TGFA: variants seen among roughly 807,000 people sequenced by gnomAD.
TGFA encodes the protein protransforming growth factor alpha.
Under a neutral mutation model 21.7 loss-of-function variants are expected in TGFA, and 12 were observed. The ratio of observed to expected loss-of-function variants is 0.55; its 90% CI spans 0.35 to 0.90. TGFA has a LOEUF of 0.90. Ranked by LOEUF, TGFA falls within the 40% of genes least tolerant of loss-of-function variation. TGFA has a pLI of 0.01. For synonymous variants in TGFA, 79 were observed against 88.1 expected, an observed-to-expected ratio of 0.90 and a Z score of 0.58; for missense variants, 178 against 210.8, an observed-to-expected ratio of 0.84 and a Z score of 0.96.
At chr2:70,476,906 T>G (rs1670950559) in intron 2 of TGFA, among the ~76,000 whole-genome samples, 1 of 152,232 alleles carries the variant, frequency 6.6e-6, no homozygotes, top group African/African-American at 2.4e-5. Context: ...TGCTTGTCCT[T>G]AGATAAAAGC....
intron 3 of TGFA, among the ~76,000 whole-genome samples, chr2:70,465,067 G>C (rs976975725): frequency 3.3e-5 from 5 of 152,234 alleles, no homozygotes; most frequent in Admixed American, 2.6e-4. Context: ...CCCCCAAGGA[G>C]GATGATGCTC....
chr2:70,521,645 C>T (rs868932770), intron 1 of TGFA, among the ~76,000 whole-genome samples: 207 of 63,120 alleles, frequency 3.3e-3, no homozygotes, highest in African/African-American at 0.014. Context: ...TTTTGAGTCT[C>T]GCTCTGTCTC....
intron 1 of TGFA, among the ~76,000 whole-genome samples, chr2:70,534,470 G>A (rs1553504126): frequency 6.6e-6 from 1 of 152,152 alleles, no homozygotes; most frequent in Admixed American, 6.5e-5. Context: ...TGACTTCCAG[G>A]CGTGTCACTC....
At position 70,466,078 on chromosome 2, in the gene TGFA, G is replaced by T. The variant is rs11466241; in HGVS notation, c.95-342C>A. On this transcript the variant is annotated intron_variant, in intron 2 of 5. Coordinates refer to ENST00000295400, the MANE Select transcript of TGFA (RefSeq NM_003236.4). ...GACAGTGATTTTTTTTTAGATAGCT[G>T]TCATAAGAATCTGTTTTGAAAGCAA... Among the ~76,000 whole-genome samples, 692 of 152,278 alleles carry T rather than the reference G, an allele frequency of 4.5e-3. 10 individuals carry two copies. The highest frequency in any genetic ancestry group is 0.016 in the African/African-American group (681 of 41,560).
intron 5 of TGFA, among the ~76,000 whole-genome samples, 174 bp from the exon 6 acceptor site, chr2:70,451,040 C>T (rs3732250): frequency 0.059 from 8,968 of 152,048 alleles, 331 homozygotes; most frequent in South Asian, 0.12. Context: ...CAACCTCTGA[C>T]CTAGTACTTT....
intron 1 of TGFA, among the ~76,000 whole-genome samples, chr2:70,515,759 C>A (rs1010685067): frequency 2.6e-5 from 4 of 152,080 alleles, no homozygotes; most frequent in Admixed American, 6.6e-5. Context: ...CCAGGCCCTG[C>A]CAGGGATAGA....
At chr2:70,552,461 T>C (rs935919620) in intron 1 of TGFA, among the ~76,000 whole-genome samples, 3 of 152,228 alleles carry the variant, frequency 2.0e-5, no homozygotes, top group Admixed American at 6.5e-5. Context: ...CAACAGTCAA[T>C]ACATGCACAC....
intron 1 of TGFA, among the ~76,000 whole-genome samples, chr2:70,543,068 A>G (rs1271707731): frequency 6.6e-6 from 1 of 152,036 alleles, no homozygotes; most frequent in Non-Finnish European, 1.5e-5. Flanking sequence ...GCGCCATTGC[A>G]CTCCAGCCTG....
Position 70,514,422 on chromosome 2 carries a change from G to A in TGFA, c.94+437C>T, listed in dbSNP as rs536402166. Among the ~76,000 whole-genome samples, 106 of 134,500 alleles carry A rather than the reference G, an allele frequency of 7.9e-4. No individual in the cohort carries two copies. The East Asian group carries it at 0.017, about 22-fold the overall frequency. The allele number at this position is 134,500 out of a possible 152,430, so 88.2% of individuals were successfully genotyped here. A position where few individuals can be genotyped will look rare whatever the true frequency, so the allele number is the denominator to read the frequency against. On this transcript the variant is annotated intron_variant, in intron 2 of 5. Coordinates refer to ENST00000295400, the MANE Select transcript of TGFA (RefSeq NM_003236.4). ...TAAAATAATAATAAAAAAAAATACCGATTTTTTTTTTTTTTTTACTATAAG... is the reference window on the plus strand; with the variant it reads ...TAAAATAATAATAAAAAAAAATACCAATTTTTTTTTTTTTTTTACTATAAG...
At chr2:70,462,850 G>A (rs1263127369) in intron 3 of TGFA, among the ~76,000 whole-genome samples, 2 of 152,126 alleles carry the variant, frequency 1.3e-5, no homozygotes, top group African/African-American at 2.4e-5. Flanking sequence ...TTCCAAATGC[G>A]AGTGTGTCTC....
At position 70,453,100 on chromosome 2, in the gene TGFA, GTCTCTTCCTTTTCTCC is replaced by G. The variant is rs1204971980; in HGVS notation, c.475+102_475+117del. 7.7e-6 allele frequency: 7 copies of G among 913,806 alleles called. No individual in the cohort carries two copies. The African/African-American group carries it at 9.9e-5, about 13-fold the overall frequency. 56.6% of individuals were successfully genotyped at this position (913,806 alleles called of 1,614,324 possible). A position where few individuals can be genotyped will look rare whatever the true frequency, so the allele number is the denominator to read the frequency against. ...AAACCTGACTTGGTAGAATGAAACA[GTCTCTTCCTTTTCTCC>G]TCTCTTCCTGCTTCATACTCCAGGA... is the stretch of plus-strand genomic sequence containing the variant. On this transcript the variant is annotated intron_variant, in intron 5 of 5. Transcript: ENST00000295400.
chr2:70,523,436 A>G (rs1553502580), intron 1 of TGFA, among the ~76,000 whole-genome samples: 1 of 152,172 alleles, frequency 6.6e-6, no homozygotes, highest in East Asian at 1.9e-4. Context: ...TGTATCTCTG[A>G]TGCTCCCTAT....
In TGFA at chr2:70,538,324, G is replaced by T. The variant is rs545362858; in HGVS notation, c.40+15404C>A. Among the ~76,000 whole-genome samples the T allele has an allele frequency of 3.3e-5, 5 of 152,288 alleles. No homozygotes were observed. The South Asian group carries it at 1.0e-3, about 32-fold the overall frequency. On this transcript the variant is annotated intron_variant, in intron 1 of 5. Transcript: ENST00000295400. The stretch of plus-strand genomic sequence containing the variant: ...CTATGCGGCCCATGCTCATTAAAGA[G>T]CAATTTCAAATTTCAAGTCTTAAGA...
intron 2 of TGFA, among the ~76,000 whole-genome samples, chr2:70,510,876 C>T (rs919550618): frequency 2.0e-5 from 3 of 152,138 alleles, no homozygotes; most frequent in Admixed American, 6.5e-5. Flanking sequence ...CGTGGTGACT[C>T]ATGCTTGTAA....
chr2:70,470,135 G>C (rs922710199), intron 2 of TGFA, among the ~76,000 whole-genome samples: 3 of 151,958 alleles, frequency 2.0e-5, no homozygotes, highest in African/African-American at 7.3e-5. Context: ...GAGAGACGGG[G>C]TGGGGTTATG....
Position 70,512,170 on chromosome 2 carries a change from G to A in TGFA, c.94+2689C>T, listed in dbSNP as rs114221620. Among the ~76,000 whole-genome samples, 1,458 of 152,268 alleles carry A rather than the reference G, an allele frequency of 9.6e-3. 26 individuals are homozygous for A. The highest frequency in any genetic ancestry group is 0.033 in the African/African-American group (1,362 of 41,526). On this transcript the variant is annotated intron_variant, in intron 2 of 5. Transcript: ENST00000295400. ...GCCTTTGGAGGTGTGACTATAACACGGTCATCACCACTTGGACTTTTCTCC... is the reference window on the plus strand; with the variant it reads ...GCCTTTGGAGGTGTGACTATAACACAGTCATCACCACTTGGACTTTTCTCC...
At position 70,533,293 on chromosome 2, in the gene TGFA, T is replaced by C. The variant is rs570255318; in HGVS notation, c.41-18381A>G. Among the ~76,000 whole-genome samples, 13 of 152,292 alleles carry C rather than the reference T, an allele frequency of 8.5e-5. No individual in the cohort carries two copies. The South Asian group carries it at 2.7e-3, about 32-fold the overall frequency. Reference sequence around the variant, plus strand: ...AGAAATTTCGACCCAAAGGGACTGCTCTGTTATAAAATGTTAAACCTTTTC... The same window carrying C: ...AGAAATTTCGACCCAAAGGGACTGCCCTGTTATAAAATGTTAAACCTTTTC... On this transcript the variant is annotated intron_variant, in intron 1 of 5. Coordinates refer to ENST00000295400, the MANE Select transcript of TGFA (RefSeq NM_003236.4).
chr2:70,521,613 G>GTGTT (rs532266930), intron 1 of TGFA, among the ~76,000 whole-genome samples: 2 of 74,050 alleles, frequency 2.7e-5, no homozygotes, highest in African/African-American at 4.2e-5. Flanking sequence ...GTTGTTGTTT[G>GTGTT]TTTGTTTTTT....
intron 1 of TGFA, among the ~76,000 whole-genome samples, chr2:70,526,751 G>A (rs1288749897): frequency 2.6e-5 from 4 of 152,128 alleles, no homozygotes; most frequent in African/African-American, 9.7e-5. Flanking sequence ...GGGAAAGGGT[G>A]GTGATGAGAA....
Sources: gnomAD v4.1 joint callset for allele counts (sites outside exome capture counted in the v4.1 genomes callset) on GRCh38, gnomAD v4.1.1 for gene constraint, MANE v1.5 for transcripts, NCBI Gene and HGNC (gene_info 2026-07-23, HGNC 2026-07-21) for gene names.